ACOXL: variants seen among roughly 807,000 people sequenced by gnomAD.
ACOXL encodes acyl-CoA oxidase like.
Under a neutral mutation model 71.9 loss-of-function variants are expected in ACOXL, and 70 were observed. The observed-to-expected ratio is 0.97, with a 90% CI of 0.80 to 1.19. ACOXL has a LOEUF of 1.19. ACOXL is among the 50% of genes most tolerant of loss of function. The probability of loss-of-function intolerance (pLI) is 0.00; values close to 1 mark genes in which losing one functional copy is unlikely to be tolerated. For synonymous variants in ACOXL, 253 were observed against 281.6 expected, an observed-to-expected ratio of 0.90 and a Z score of 1.02; for missense variants, 703 against 736.3, an observed-to-expected ratio of 0.95 and a Z score of 0.52.
At chr2:110,751,614 A>C (rs1368763258) in intron 1 of ACOXL, among the ~76,000 whole-genome samples, 1 of 152,222 alleles carries the variant, frequency 6.6e-6, no homozygotes, top group Non-Finnish European at 1.5e-5. Flanking sequence ...CAAAAATCTT[A>C]AGTGTACATT....
At chr2:111,070,027 C>G (rs1003373463) in intron 16 of ACOXL, among the ~76,000 whole-genome samples, 3 of 152,068 alleles carry the variant, frequency 2.0e-5, no homozygotes, top group Admixed American at 1.3e-4. Flanking sequence ...GGCCTGCCCT[C>G]AGGACTCAGA....
chr2:111,007,323 A>C (rs1165100282), intron 14 of ACOXL, among the ~76,000 whole-genome samples: 1 of 152,216 alleles, frequency 6.6e-6, no homozygotes, highest in Non-Finnish European at 1.5e-5. Context: ...GAAACAATTA[A>C]TACTGTGGTG....
At chr2:110,869,804 A>G (rs1242702620) in intron 10 of ACOXL, among the ~76,000 whole-genome samples, 1 of 152,158 alleles carries the variant, frequency 6.6e-6, no homozygotes, top group African/African-American at 2.4e-5. Flanking sequence ...CCTCCTGGCC[A>G]CAGAAGACTC....
chr2:110,907,540 G>A (rs760118686), intron 10 of ACOXL, among the ~76,000 whole-genome samples: 3 of 152,046 alleles, frequency 2.0e-5, no homozygotes, highest in South Asian at 4.2e-4. Flanking sequence ...GTGGTTGGGC[G>A]TGAACTAGGA....
intron 12 of ACOXL, among the ~76,000 whole-genome samples, chr2:110,967,626 C>T (rs2061990457): frequency 6.6e-6 from 1 of 152,102 alleles, no homozygotes; most frequent in Admixed American, 6.6e-5. Context: ...TAATGTGATA[C>T]TGTGAGGTTC....
intron 16 of ACOXL, among the ~76,000 whole-genome samples, chr2:111,078,893 A>G (rs555568913): frequency 6.6e-6 from 1 of 152,202 alleles, no homozygotes; most frequent in Non-Finnish European, 1.5e-5. Context: ...TTTGGGCTGC[A>G]AATTTCAATG....
chr2:110,850,473 A>G (rs1692470055), intron 10 of ACOXL, among the ~76,000 whole-genome samples: 3 of 152,232 alleles, frequency 2.0e-5, no homozygotes, highest in Non-Finnish European at 4.4e-5. Context: ...TTATTCACCA[A>G]ACAAGATGCA....
chr2:110,942,995 G>GAGGA (rs2060928986), intron 12 of ACOXL, among the ~76,000 whole-genome samples: 1 of 132,974 alleles, frequency 7.5e-6, no homozygotes. Context: ...GGGAGGGAGG[G>GAGGA]AGGAAGGAAG....
At chr2:110,932,357 C>T (rs1203541736) in intron 11 of ACOXL, among the ~76,000 whole-genome samples, 2 of 152,184 alleles carry the variant, frequency 1.3e-5, no homozygotes, top group Non-Finnish European at 2.9e-5. Flanking sequence ...CAAAACTCTT[C>T]AAGTGGTGCA....
At position 111,009,856 on chromosome 2, in the gene ACOXL, G is replaced by A. The variant is rs191634084; in HGVS notation, c.1281+13852G>A. Reference sequence around the variant, plus strand: ...GAGTAAAACTATGTCTCAGGAAAAGGGATTGCCTAAGGACTGAAGCTACAA... The same window carrying A: ...GAGTAAAACTATGTCTCAGGAAAAGAGATTGCCTAAGGACTGAAGCTACAA... On this transcript the variant is annotated intron_variant, in intron 14 of 17. Transcript: ENST00000439055. Among the ~76,000 whole-genome samples, 257 of 152,258 alleles carry A rather than the reference G, an allele frequency of 1.7e-3. 1 individual carries two copies. The highest frequency in any genetic ancestry group is 5.6e-3 in the Admixed American group (86 of 15,288).
chr2:110,967,930 C>A, intron 12 of ACOXL: 3 of 968,858 alleles, frequency 3.1e-6, no homozygotes, highest in South Asian at 1.3e-5. Flanking sequence ...TTACTATGCT[C>A]GGAAATACTT....
chr2:110,948,449 C>T (rs1432672549), intron 12 of ACOXL, among the ~76,000 whole-genome samples: 5 of 152,290 alleles, frequency 3.3e-5, no homozygotes, highest in Non-Finnish European at 4.4e-5. Context: ...TATCTGGCAT[C>T]AGCCAACCCT....
At chr2:110,920,369 G>T (rs948975671) in intron 11 of ACOXL, among the ~76,000 whole-genome samples, 3 of 152,100 alleles carry the variant, frequency 2.0e-5, no homozygotes, top group Non-Finnish European at 4.4e-5. Flanking sequence ...TGCCATCTGT[G>T]TATCTTCTTT....
intron 11 of ACOXL, among the ~76,000 whole-genome samples, chr2:110,921,532 T>A (rs1286792643): frequency 6.6e-6 from 1 of 151,950 alleles, no homozygotes; most frequent in Non-Finnish European, 1.5e-5. Context: ...TAGCTGGGAC[T>A]ACAGGTGCCT....
At chr2:110,968,765 A>G in intron 12 of ACOXL, 2 of 418,820 alleles carry the variant, frequency 4.8e-6, no homozygotes, top group East Asian at 3.8e-5. Context: ...AAAGACAATA[A>G]ACTTATGGAC....
At chr2:110,989,766 G>A (rs1269582487) in intron 13 of ACOXL, among the ~76,000 whole-genome samples, 1 of 152,172 alleles carries the variant, frequency 6.6e-6, no homozygotes, top group African/African-American at 2.4e-5. Context: ...AAAATGGGCT[G>A]GGCACAGTGG....
intron 12 of ACOXL, among the ~76,000 whole-genome samples, chr2:110,981,447 G>A (rs1199749320): frequency 6.6e-6 from 1 of 152,200 alleles, no homozygotes; most frequent in Non-Finnish European, 1.5e-5. Context: ...GGCCTTGGTT[G>A]TATTATTGGA....
chr2:110,844,790 G>T (rs777502510), intron 10 of ACOXL, among the ~76,000 whole-genome samples: 1 of 151,714 alleles, frequency 6.6e-6, no homozygotes, highest in Non-Finnish European at 1.5e-5. Context: ...CAAGGGATCC[G>T]CCCACTTTTG....
At chr2:110,800,327 A>G (rs1022555055) in intron 7 of ACOXL, among the ~76,000 whole-genome samples, 1 of 152,210 alleles carries the variant, frequency 6.6e-6, no homozygotes, top group Non-Finnish European at 1.5e-5. Context: ...GGTTGTGTTC[A>G]TGTTAACCTG....
Sources: allele counts gnomAD v4.1 joint callset (sites outside exome capture counted in the v4.1 genomes callset), GRCh38; gene constraint gnomAD v4.1.1; transcripts MANE v1.5; gene names NCBI Gene and HGNC (gene_info 2026-07-23, HGNC 2026-07-21).